The following KIF1B variants were observed in gnomAD, a reference collection of about 807,000 sequenced individuals.
KIF1B encodes the protein kinesin-like protein KIF1B.
A neutral mutation model predicts 241.9 loss-of-function variants in KIF1B; 76 were observed. The observed-to-expected ratio is 0.31, with a 90% CI of 0.26 to 0.38. KIF1B has a LOEUF of 0.38. Among genes scored for constraint, KIF1B ranks in the 10% least tolerant of loss-of-function variants. The pLI is 1.00. For synonymous variants in KIF1B, 750 were observed against 796.7 expected, an observed-to-expected ratio of 0.94 and a Z score of 0.99; for missense variants, 1,622 against 2,271.4, an observed-to-expected ratio of 0.71 and a Z score of 5.81.
intron 2 of KIF1B, among the ~76,000 whole-genome samples, chr1:10,232,877 T>C (rs989562309): frequency 1.3e-5 from 2 of 152,242 alleles, no homozygotes; most frequent in Non-Finnish European, 2.9e-5. Flanking sequence ...TAATATATAG[T>C]AAACTTATAC....
chr1:10,271,397 G>A lies in KIF1B; in HGVS notation c.721-105G>A. 3.5e-6 allele frequency: 3 copies of A among 854,524 alleles called. No homozygotes were observed. In the South Asian group the frequency reaches 4.0e-5, roughly 11 times the overall value. 52.9% of individuals were successfully genotyped at this position (854,524 alleles called of 1,614,324 possible). A position where few individuals can be genotyped will look rare whatever the true frequency, so the allele number is the denominator to read the frequency against. On this transcript the variant is annotated intron_variant, in intron 7 of 48. Transcript: ENST00000676179. Reference sequence around the variant, plus strand: ...ATATTTAAAAGCTCTAATACTTTTAGTTTTTTCCATACCTTAATCTTTTAA... The same window carrying A: ...ATATTTAAAAGCTCTAATACTTTTAATTTTTTCCATACCTTAATCTTTTAA...
Position 10,378,440 on chromosome 1 carries a change from T to C in KIF1B, c.*1853T>C, listed in dbSNP as rs1161031002. On this transcript the variant is annotated 3_prime_UTR_variant, in exon 49 of 49. Transcript: ENST00000676179. ...GAGAGGGGAAAAAGAAAGCCTCCAG[T>C]GACTTCAGTTGCTTTGCCAGTTGTC... is the stretch of plus-strand genomic sequence containing the variant. The C allele has an allele frequency of 4.2e-6, 3 of 717,862 alleles. No individual in the cohort carries two copies. In the Admixed American group the frequency reaches 6.0e-5, roughly 14 times the overall value. The allele number at this position is 717,862 out of a possible 1,614,324, so 44.5% of individuals were successfully genotyped here.
intron 2 of KIF1B, among the ~76,000 whole-genome samples, chr1:10,249,368 T>C (rs1326152383): frequency 6.6e-6 from 1 of 152,196 alleles, no homozygotes; most frequent in Non-Finnish European, 1.5e-5. Context: ...TACTGGTATT[T>C]TATGTATATA....
Position 10,361,777 on chromosome 1 carries a change from G to A in KIF1B, c.4256G>A (p.Arg1419His), listed in dbSNP as rs567728453. Reference sequence around the variant, plus strand: ...CGAGATGCCAAGATCTCACCACCACGCTCTCTGCGTAGCCTCTTTGGCAGC... The same window carrying A: ...CGAGATGCCAAGATCTCACCACCACACTCTCTGCGTAGCCTCTTTGGCAGC... Reference protein sequence around the residue: ...YSRDAKISPPRSLRSLFGSGY... With the variant: ...YSRDAKISPPHSLRSLFGSGY... The change falls in exon 40 of 49, where the codon CGC becomes CAC. Residue 1419 changes from arginine (R) to histidine (H), a missense_variant. Arg to His is a conservative substitution (Grantham distance 29). Around this residue, in one of 7 missense-constraint regions of KIF1B, gnomAD observed 803 missense variants for 1,112.0 expected, o/e 0.72. Transcript: ENST00000676179. 23 of 1,613,914 alleles carry A rather than the reference G, an allele frequency of 1.4e-5. No individual in the cohort carries two copies. The highest frequency in any genetic ancestry group is 3.3e-5 in the Admixed American group (2 of 59,990).
intron 16 of KIF1B, 39 bp from the exon 17 acceptor site, chr1:10,292,008 T>C (rs780653242): frequency 3.3e-6 from 5 of 1,533,696 alleles, no homozygotes; most frequent in Non-Finnish European, 3.6e-6. Flanking sequence ...TAATTGACAT[T>C]TTGGTATTAG....
chr1:10,314,713 C>A (rs570023198), intron 22 of KIF1B, among the ~76,000 whole-genome samples: 1 of 151,734 alleles, frequency 6.6e-6, no homozygotes, highest in Admixed American at 6.5e-5. Flanking sequence ...TGCCACCACA[C>A]CTGGCCCAGT....
intron 8 of KIF1B, 105 bp downstream of exon 8, chr1:10,271,684 G>A (rs1648807776): frequency 2.5e-6 from 2 of 814,494 alleles, no homozygotes; most frequent in Admixed American, 1.8e-5. Flanking sequence ...TTTATGTATT[G>A]TCTATGGCTG....
chr1:10,304,202 A>T, intron 22 of KIF1B: 4 of 1,614,182 alleles, frequency 2.5e-6, no homozygotes, highest in Non-Finnish European at 3.4e-6. Flanking sequence ...GAGAGCCAAG[A>T]AAAAGGGGGT....
At chr1:10,369,250 C>A (rs910170296) in intron 44 of KIF1B, among the ~76,000 whole-genome samples, 1 of 152,200 alleles carries the variant, frequency 6.6e-6, no homozygotes, top group African/African-American at 2.4e-5. Context: ...TATTGTCTGT[C>A]TTAAGCTCCA....
Position 10,337,704 on chromosome 1 carries a change from CTGT to C in KIF1B, c.3422+172_3422+174del, listed in dbSNP as rs1652233465. 1.3e-5 allele frequency among the ~76,000 whole-genome samples: 2 copies of C among 152,140 alleles called. No homozygotes were observed. Among genetic ancestry groups the C allele is most frequent in the African/African-American group, 4.8e-5 (2 of 41,422 alleles). ...TCCTATGGGAGTGAGAACCAGAAAC[CTGT>C]CCTGGAATGCAACAGGGTTCCCTGG... is the stretch of plus-strand genomic sequence containing the variant. On this transcript the variant is annotated intron_variant, in intron 31 of 48. Transcript: ENST00000676179. This position sits in a 1 kb window ranked among gnomAD's most constrained non-coding sequence, Gnocchi z 4.0.
intron 22 of KIF1B, among the ~76,000 whole-genome samples, chr1:10,299,543 T>G (rs1650437430): frequency 6.6e-6 from 1 of 152,228 alleles, no homozygotes; most frequent in South Asian, 2.1e-4. Context: ...TAATGCACCC[T>G]GTGAATAAAC....
chr1:10,230,946 A>G (rs72865913), intron 1 of KIF1B: 10,848 of 152,090 alleles, frequency 0.071, 463 homozygotes, highest in Middle Eastern at 0.13. Context: ...AGGCGCAGTG[A>G]CTCACGCTTA....
At chr1:10,304,318 C>T (rs765445966) in intron 22 of KIF1B, 12 of 1,614,096 alleles carry the variant, frequency 7.4e-6, no homozygotes, top group Non-Finnish European at 1.0e-5. Context: ...GCAACAGCCA[C>T]CTCAACTACG....
intron 12 of KIF1B, among the ~76,000 whole-genome samples, chr1:10,277,079 CAAA>C (rs1321482091): frequency 1.1e-5 from 1 of 94,766 alleles, no homozygotes; most frequent in Non-Finnish European, 2.2e-5. Flanking sequence ...GACTCCATCT[CAAA>C]AAAAAAAAAA....
chr1:10,223,903 A>G (rs4846199), intron 1 of KIF1B, among the ~76,000 whole-genome samples: 79,804 of 151,948 alleles, frequency 0.53, 21,522 homozygotes, highest in African/African-American at 0.65. Context: ...GGTTGTTTTG[A>G]GAAAGTAATT....
At chr1:10,217,637 C>T (rs1410510286) in intron 1 of KIF1B, among the ~76,000 whole-genome samples, 1 of 152,014 alleles carries the variant, frequency 6.6e-6, no homozygotes, top group African/African-American at 2.4e-5. Flanking sequence ...TTTCTTCTGC[C>T]TGGAATACTT....
intron 22 of KIF1B, among the ~76,000 whole-genome samples, chr1:10,318,819 C>T (rs76353400): frequency 0.036 from 5,519 of 152,242 alleles, 348 homozygotes; most frequent in African/African-American, 0.12. Context: ...CTTAACCCTA[C>T]TTATTTTATT....
At chr1:10,236,011 G>A (rs1262899380) in intron 2 of KIF1B, among the ~76,000 whole-genome samples, 5 of 152,044 alleles carry the variant, frequency 3.3e-5, no homozygotes, top group Non-Finnish European at 7.4e-5. Flanking sequence ...GGTGGCTCAA[G>A]CCTCTAATCC....
intron 1 of KIF1B, among the ~76,000 whole-genome samples, chr1:10,216,856 G>GGTTA (rs1237461437): frequency 6.6e-6 from 1 of 151,486 alleles, no homozygotes; most frequent in Non-Finnish European, 1.5e-5. Context: ...GTGAGAAAGA[G>GGTTA]GTTACTCTGT....
Sources: gnomAD v4.1 joint callset for allele counts (sites outside exome capture counted in the v4.1 genomes callset) on GRCh38, gnomAD v4.1.1 for gene constraint, gnomAD v4.1.1 regional missense constraint, Gnocchi (gnomAD v3.1) non-coding constraint, MANE v1.5 for transcripts, NCBI Gene and HGNC (gene_info 2026-07-23, HGNC 2026-07-21) for gene names.